The following MTO1 variants were observed in gnomAD, a reference collection of about 807,000 sequenced individuals.
The protein encoded by MTO1 is 5-taurinomethyluridine-[tRNA] synthase subunit MTO1, mitochondrial.
Under a neutral mutation model 71.6 loss-of-function variants are expected in MTO1, and 46 were observed. The ratio of observed to expected loss-of-function variants is 0.64; its 90% confidence interval spans 0.51 to 0.82. The LOEUF (loss-of-function observed/expected upper bound fraction) is 0.82. Ranked by LOEUF, MTO1 falls within the 40% of genes least tolerant of loss-of-function variation. The pLI is 0.00. For synonymous variants in MTO1, 297 were observed against 312.1 expected, an observed-to-expected ratio of 0.95 and a Z score of 0.51; for missense variants, 773 against 867.5, an observed-to-expected ratio of 0.89 and a Z score of 1.37.
At chr6:73,494,486 T>G (rs1289535599) in intron 10 of MTO1, among the ~76,000 whole-genome samples, 1 of 150,974 alleles carries the variant, frequency 6.6e-6, no homozygotes, top group African/African-American at 2.4e-5. Flanking sequence ...TTTCTTTTTT[T>G]TTTTTTTTGA....
At chr6:73,492,018 C>T in intron 9 of MTO1, 1 of 396,558 alleles carries the variant, frequency 2.5e-6, no homozygotes, top group Non-Finnish European at 4.7e-6. Context: ...AGGAGAATTG[C>T]TTGAACCCAG....
chr6:73,500,577 G>A lies in MTO1; in HGVS notation c.1921G>A (p.Gly641Arg), dbSNP rs757677892. Reference protein sequence around the residue: ...KLHFSRPQTIGAASRIPGVTP... With the variant: ...KLHFSRPQTIRAASRIPGVTP... ...CTCTTGTGGTATTGATTTTTAGATC[G>A]GGGCTGCTAGTCGCATACCCGGAGT... The change falls in exon 12 of 12, where the codon GGG (glycine) becomes AGG (arginine). Residue 641 changes from glycine (G) to arginine (R), a missense_variant. Transcript: ENST00000498286. The A allele has an allele frequency of 9.3e-6, 15 of 1,609,514 alleles. No individual in the cohort carries two copies. In the South Asian group the frequency reaches 1.4e-4, roughly 15 times the overall value.
At chr6:73,493,844 A>G (rs1216978293) in intron 10 of MTO1, among the ~76,000 whole-genome samples, 2 of 152,156 alleles carry the variant, frequency 1.3e-5, no homozygotes, top group Non-Finnish European at 2.9e-5. Context: ...CTTTGTATCA[A>G]TACTCTTGGT....
intron 3 of MTO1, chr6:73,471,372 G>A (rs1377552163): frequency 1.4e-5 from 6 of 418,330 alleles, no homozygotes; most frequent in Non-Finnish European, 2.3e-5. Flanking sequence ...AGATTTAATG[G>A]TTATATTGTT....
At chr6:73,467,366 A>G (rs1771029124) in intron 3 of MTO1, among the ~76,000 whole-genome samples, 1 of 151,332 alleles carries the variant, frequency 6.6e-6, no homozygotes, top group Non-Finnish European at 1.5e-5. Context: ...TGTAATCCCA[A>G]CACTTTGGGA....
intron 3 of MTO1, among the ~76,000 whole-genome samples, chr6:73,470,930 G>A (rs1771145466): frequency 6.6e-6 from 1 of 152,078 alleles, no homozygotes; most frequent in Non-Finnish European, 1.5e-5. Context: ...TCCAGCCTGG[G>A]TGAGAGAGCA....
intron 9 of MTO1, among the ~76,000 whole-genome samples, chr6:73,484,364 A>G (rs749976959): frequency 1.3e-5 from 2 of 152,168 alleles, no homozygotes; most frequent in Non-Finnish European, 2.9e-5. Context: ...CCAGCAGATT[A>G]GGTGTCTGGT....
chr6:73,485,300 G>A (rs567098511), intron 9 of MTO1, among the ~76,000 whole-genome samples: 4 of 152,008 alleles, frequency 2.6e-5, no homozygotes, highest in Non-Finnish European at 5.9e-5. Flanking sequence ...TGTTTAGATG[G>A]ATTTTTTTTA....
chr6:73,494,292 A>G (rs1046752904), intron 10 of MTO1, among the ~76,000 whole-genome samples: 4 of 152,116 alleles, frequency 2.6e-5, no homozygotes, highest in African/African-American at 9.7e-5. Flanking sequence ...TTTTGATAGA[A>G]GGTGTTTTTT....
chr6:73,493,808 A>G (rs1216330645), intron 10 of MTO1, among the ~76,000 whole-genome samples: 2 of 152,168 alleles, frequency 1.3e-5, no homozygotes, highest in Non-Finnish European at 2.9e-5. Flanking sequence ...AGTATACTGA[A>G]ATACTCTACC....
rs936651458 is a variant in MTO1 at position 73,508,860 on chromosome 6, G to C, written c.*8125G>C. Reference sequence around the variant, plus strand: ...TCAAGAAGGTATGATAATGGCTAAAGATGGGGACTGTAGGTCAATGCTCCA... The same window carrying C: ...TCAAGAAGGTATGATAATGGCTAAACATGGGGACTGTAGGTCAATGCTCCA... On this transcript the variant is annotated 3_prime_UTR_variant, in exon 12 of 12. Coordinates refer to ENST00000498286, the MANE Select transcript of MTO1 (RefSeq NM_012123.4). The C allele has an allele frequency of 6.6e-6, 1 of 152,232 alleles. No homozygotes were observed. The highest frequency in any genetic ancestry group is 1.5e-5 in the Non-Finnish European group (1 of 68,064). The allele number at this position is 152,232 out of a possible 1,614,324, so 9.4% of individuals were successfully genotyped here.
At position 73,479,769 on chromosome 6, in the gene MTO1, A is replaced by G. The variant is rs776313125; in HGVS notation, c.863A>G (p.Asn288Ser). 6.8e-6 allele frequency: 11 copies of G among 1,613,806 alleles called. No homozygotes were observed. In the South Asian group the frequency reaches 1.1e-4, roughly 16 times the overall value. Residue 288 changes from asparagine (N) to serine (S), a missense_variant, in exon 5 of 12, where the codon AAC becomes AGC. By Grantham distance (46) the Asn-to-Ser change is conservative. Coordinates refer to ENST00000498286, the MANE Select transcript of MTO1 (RefSeq NM_012123.4). ...DQLPCYLTHTNPRVDEIVLKN... is the reference protein window; with the variant it reads ...DQLPCYLTHTSPRVDEIVLKN... ...CTGCCATGTTACTTGACTCACACCA[A>G]CCCTAGAGTGGATGAGATTGTCCTT...
Position 73,462,070 on chromosome 6 carries a change from C to G in MTO1, c.216C>G (p.Ile72Met), listed in dbSNP as rs143046967. ...TLLLTHRVDTIGQMSCNPSFG... is the reference protein window; with the variant it reads ...TLLLTHRVDTMGQMSCNPSFG... ...TCCTCACTCACCGCGTGGACACGAT[C>G]GGTGAGGAGCGCGGGTGCTGTGGAA... Residue 72 changes from isoleucine to methionine, a missense_variant and splice_region_variant, in exon 1 of 12, where the codon ATC becomes ATG. Coordinates refer to ENST00000498286, the MANE Select transcript of MTO1 (RefSeq NM_012123.4). The G allele has an allele frequency of 6.2e-7, 1 of 1,612,778 alleles. No individual in the cohort carries two copies. The highest frequency in any genetic ancestry group is 1.3e-5 in the African/African-American group (1 of 75,050).
intron 7 of MTO1, among the ~76,000 whole-genome samples, chr6:73,481,461 T>C (rs985938187): frequency 5.5e-4 from 2 of 3,640 alleles, no homozygotes; most frequent in African/African-American, 8.8e-4. Flanking sequence ...GTTTCACAGG[T>C]GGGTTTTAAA....
intron 9 of MTO1, among the ~76,000 whole-genome samples, chr6:73,491,565 A>G (rs1208012918): frequency 6.6e-6 from 1 of 152,170 alleles, no homozygotes; most frequent in Non-Finnish European, 1.5e-5. Context: ...CTAGCATGCA[A>G]AAGGATGACT....
intron 7 of MTO1, chr6:73,481,101 G>A (rs1771479544): frequency 2.8e-6 from 1 of 355,670 alleles, no homozygotes; most frequent in Non-Finnish European, 5.3e-6. Context: ...CTGCAGGCAT[G>A]CACCACAACA....
chr6:73,492,098 C>T, intron 9 of MTO1, 136 bp from the exon 10 acceptor site: 1 of 471,196 alleles, frequency 2.1e-6, no homozygotes, highest in Non-Finnish European at 3.6e-6. Flanking sequence ...AGCGAGACTC[C>T]ATCTCAAAAA....
chr6:73,477,422 C>T (rs373249753), intron 4 of MTO1, among the ~76,000 whole-genome samples: 2 of 143,628 alleles, frequency 1.4e-5, no homozygotes, highest in African/African-American at 5.1e-5. Flanking sequence ...AAAAGAAATT[C>T]GGAGAATTTA....
chr6:73,467,324 A>G (rs1322651647), intron 3 of MTO1, among the ~76,000 whole-genome samples: 2 of 151,958 alleles, frequency 1.3e-5, no homozygotes, highest in African/African-American at 4.8e-5. Flanking sequence ...AAAAAAAAAT[A>G]AAAAATAAGT....
Sources: gnomAD v4.1 joint callset for allele counts (sites outside exome capture counted in the v4.1 genomes callset) on GRCh38, gnomAD v4.1.1 for gene constraint, MANE v1.5 for transcripts, NCBI Gene and HGNC (gene_info 2026-07-23, HGNC 2026-07-21) for gene names.